Variants in PODN observed in about 807,000 individuals in gnomAD.
PODN encodes podocan.
Under a neutral mutation model 52.7 loss-of-function variants are expected in PODN, and 40 were observed. The ratio of observed to expected loss-of-function variants is 0.76; its 90% CI spans 0.59 to 0.99. The LOEUF (loss-of-function observed/expected upper bound fraction) is 0.99, where lower values mean the gene tolerates loss of function less well. Among genes scored for constraint, PODN ranks in the 50% least tolerant of loss-of-function variants. The probability of loss-of-function intolerance (pLI) is 0.00; values close to 1 mark genes in which losing one functional copy is unlikely to be tolerated. For missense variants in PODN, 720 were observed against 815.1 expected (o/e 0.88, Z 1.42); for synonymous variants, 396 against 377.9 (o/e 1.05, Z -0.56).
intron 4 of PODN, among the ~76,000 whole-genome samples, chr1:53,075,086 G>A (rs1266123274): frequency 6.6e-6 from 1 of 152,154 alleles, no homozygotes; most frequent in Non-Finnish European, 1.5e-5. Flanking sequence ...AATATTTGGT[G>A]TGCTCCAGAG....
At position 53,077,187 on chromosome 1, in the gene PODN, C is replaced by T. The variant is rs369123332; in HGVS notation, c.582-3C>T. The stretch of plus-strand genomic sequence containing the variant: ...GGGTGAGGACCTGTGCCTTGACCCC[C>T]AGGTCTGTGTACCTGCACAACAACA... On this transcript the variant is annotated splice_region_variant and splice_polypyrimidine_tract_variant and intron_variant, in intron 5 of 10. Coordinates refer to ENST00000312553, the MANE Select transcript of PODN (RefSeq NM_153703.5). 22 of 1,612,740 alleles carry T rather than the reference C, an allele frequency of 1.4e-5. No individual in the cohort carries two copies. Among genetic ancestry groups the T allele is most frequent in the Non-Finnish European group, 1.9e-5 (22 of 1,179,788 alleles).
rs937328371 is a variant in PODN at position 53,081,994 on chromosome 1, G to T, written c.1675G>T (p.Ala559Ser). 6.2e-7 allele frequency: 1 copy of T among 1,603,046 alleles called. No individual in the cohort carries two copies. Among genetic ancestry groups the T allele is most frequent in the Non-Finnish European group, 8.5e-7 (1 of 1,173,788 alleles). Residue 559 changes from alanine (A) to serine (S), a missense_variant, in exon 10 of 11, where the codon GCT becomes TCT. Transcript: ENST00000312553. ...ATGCTCACACAGGTTTAACAAGCTG[G>T]CTGTGGGCTCCGTGGTGGACAGTGC... ...KGIFLRFNKL[A>S]VGSVVDSAFR...
Position 53,082,108 on chromosome 1 carries a change from AAGGAAAAGGAGGAGG to A in PODN, c.1795_1809del (p.Lys599_Glu603del). 1 of 1,613,756 alleles carries A rather than the reference AAGGAAAAGGAGGAGG, an allele frequency of 6.2e-7. No homozygotes were observed. Among genetic ancestry groups the A allele is most frequent in the Non-Finnish European group, 8.5e-7 (1 of 1,179,946 alleles). ...TTCCAAGGACCGTGGCCGCTTGGGG[AAGGAAAAGGAGGAGG>A]AGGAAGAGGAGGAGGAGGAGGAAGA... On this transcript the variant is annotated inframe_deletion, in exon 10 of 11. Coordinates refer to ENST00000312553, the MANE Select transcript of PODN (RefSeq NM_153703.5).
chr1:53,063,170 C>G (rs373528760), intron 1 of PODN, among the ~76,000 whole-genome samples: 19 of 152,280 alleles, frequency 1.2e-4, no homozygotes, highest in East Asian at 9.7e-4. Context: ...GGCTGCGAGG[C>G]TCCTGGCAGC....
At chr1:53,079,446 G>A (rs1644251790) in intron 8 of PODN, among the ~76,000 whole-genome samples, 1 of 152,174 alleles carries the variant, frequency 6.6e-6, no homozygotes, top group South Asian at 2.1e-4. Flanking sequence ...GTATGGGAGA[G>A]TCAAGCTCAC....
chr1:53,072,086 T>A (rs1409107010), intron 3 of PODN, among the ~76,000 whole-genome samples: 2 of 145,028 alleles, frequency 1.4e-5, no homozygotes, highest in African/African-American at 5.1e-5. Flanking sequence ...ATAAAATAAA[T>A]AAAAAATAAA....
In PODN at chr1:53,082,725, A is replaced by G. The variant is rs577881933; in HGVS notation, c.*27+537A>G. On this transcript the variant is annotated intron_variant, in intron 10 of 10. Transcript: ENST00000312553. ...CACCAACACACATACATTCATGTGC[A>G]CACACGTCTCAACATGTACACACAT... 3.9e-5 allele frequency among the ~76,000 whole-genome samples: 6 copies of G among 152,336 alleles called. No homozygotes were observed. The South Asian group carries it at 1.0e-3, about 26-fold the overall frequency.
At chr1:53,080,467 G>C (rs184318338) in intron 8 of PODN, among the ~76,000 whole-genome samples, 1 of 152,202 alleles carries the variant, frequency 6.6e-6, no homozygotes, top group Non-Finnish European at 1.5e-5. Context: ...TGGGTAGGAC[G>C]TTCATCAATT....
chr1:53,078,691 G>T lies in PODN; in HGVS notation c.1181G>T (p.Gly394Val). Reference sequence around the variant, plus strand: ...ATGATCCTGCACAACCAGATCACAGGCATTGGCCGCGAAGACTTTGCCACC... The same window carrying T: ...ATGATCCTGCACAACCAGATCACAGTCATTGGCCGCGAAGACTTTGCCACC... ...TLMILHNQIT[G>V]IGREDFATTY... Residue 394 changes from glycine (G) to valine (V), a missense_variant, in exon 8 of 11, where the codon GGC becomes GTC. Physicochemically the swap from Gly to Val is moderately radical, Grantham distance 109. Coordinates refer to ENST00000312553, the MANE Select transcript of PODN (RefSeq NM_153703.5). 6.2e-7 allele frequency: 1 copy of T among 1,613,344 alleles called. No individual in the cohort carries two copies. The highest frequency in any genetic ancestry group is 8.5e-7 in the Non-Finnish European group (1 of 1,179,986).
At position 53,072,160 on chromosome 1, in the gene PODN, A is replaced by T. The variant is rs185397636; in HGVS notation, c.406+532A>T. 3.3e-5 allele frequency among the ~76,000 whole-genome samples: 5 copies of T among 151,756 alleles called. No individual in the cohort carries two copies. In the East Asian group the frequency reaches 9.6e-4, roughly 29 times the overall value. ...AAAAATAAAAATAAGCAATGCACAC[A>T]GTTTTAAAGCATTCACTTACCTTTG... is the stretch of plus-strand genomic sequence containing the variant. On this transcript the variant is annotated intron_variant, in intron 3 of 10. Coordinates refer to ENST00000312553, the MANE Select transcript of PODN (RefSeq NM_153703.5).
At chr1:53,083,387 G>A (rs1644321938) in intron 10 of PODN, among the ~76,000 whole-genome samples, 1 of 152,230 alleles carries the variant, frequency 6.6e-6, no homozygotes. Context: ...GGGTGCTGGT[G>A]GGAAGAGGCT....
At chr1:53,067,085 G>A (rs1302586736) in intron 1 of PODN, among the ~76,000 whole-genome samples, 1 of 152,170 alleles carries the variant, frequency 6.6e-6, no homozygotes, top group East Asian at 1.9e-4. Context: ...GACTGATGTT[G>A]GGTCAGGGGC....
intron 8 of PODN, among the ~76,000 whole-genome samples, chr1:53,080,332 G>A (rs1169500292): frequency 6.6e-6 from 1 of 152,208 alleles, no homozygotes; most frequent in African/African-American, 2.4e-5. Flanking sequence ...GGGGATCCCT[G>A]GGCTCTGCCC....
rs375212857 is a variant in PODN at position 53,074,541 on chromosome 1, G to A, written c.407-65G>A. The A allele has an allele frequency of 9.5e-5, 151 of 1,583,088 alleles. No individual in the cohort carries two copies. In the African/African-American group the frequency reaches 1.2e-3, roughly 12 times the overall value. ...AGGCGGGTGGGGGAGGAGGGTGGGCGCTTGCTGTGCTTCCCTGTGGCGTCT... is the reference window on the plus strand; with the variant it reads ...AGGCGGGTGGGGGAGGAGGGTGGGCACTTGCTGTGCTTCCCTGTGGCGTCT... On this transcript the variant is annotated intron_variant, in intron 3 of 10. Coordinates refer to ENST00000312553, the MANE Select transcript of PODN (RefSeq NM_153703.5).
At chr1:53,084,200 C>G (rs1348199456) in intron 10 of PODN, among the ~76,000 whole-genome samples, 3 of 151,912 alleles carry the variant, frequency 2.0e-5, no homozygotes, top group African/African-American at 7.3e-5. Flanking sequence ...GACAGGGTGA[C>G]TGGCCATCCA....
At chr1:53,083,651 C>T (rs1452272278) in intron 10 of PODN, among the ~76,000 whole-genome samples, 2 of 152,214 alleles carry the variant, frequency 1.3e-5, no homozygotes, top group Admixed American at 1.3e-4. Flanking sequence ...CCACCCACAG[C>T]TGAGTTTTTC....
chr1:53,067,571 C>T (rs1009887449), intron 1 of PODN, among the ~76,000 whole-genome samples: 4 of 152,090 alleles, frequency 2.6e-5, no homozygotes, highest in Admixed American at 6.5e-5. Context: ...GAGGCGGCTA[C>T]GATGTCTGCA....
In PODN at chr1:53,075,901, A is replaced by AGT; in HGVS notation, c.515_516dup (p.Asp173TrpfsTer22). The AGT allele has an allele frequency of 6.2e-7, 1 of 1,606,618 alleles. No homozygotes were observed. Among genetic ancestry groups the AGT allele is most frequent in the Non-Finnish European group, 8.5e-7 (1 of 1,175,916 alleles). ...CCGCTTCCTGCCAAACGCCCTGATC[A>AGT]GTGTGGACTTTGCTGCCAACTATCT... is the stretch of plus-strand genomic sequence containing the variant. On this transcript the variant is annotated frameshift_variant, in exon 5 of 11. Transcript: ENST00000312553. LOFTEE classifies it high-confidence loss of function.
intron 1 of PODN, chr1:53,066,985 C>A: frequency 9.6e-7 from 1 of 1,040,496 alleles, no homozygotes; most frequent in Admixed American, 2.5e-5. Context: ...CTTAGAACCC[C>A]GGACTACAGT....
Sources: gnomAD v4.1 joint callset for allele counts (sites outside exome capture counted in the v4.1 genomes callset) on GRCh38, gnomAD v4.1.1 for gene constraint, MANE v1.5 for transcripts, NCBI Gene and HGNC (gene_info 2026-07-23, HGNC 2026-07-21) for gene names.